TGFBI: variants seen among roughly 807,000 people sequenced by gnomAD.
TGFBI encodes the protein transforming growth factor beta induced.
A neutral mutation model predicts 73.7 loss-of-function variants in TGFBI; 50 were observed. That is an observed-to-expected ratio of 0.68 (90% CI 0.54 to 0.86). The LOEUF (loss-of-function observed/expected upper bound fraction) is 0.86. TGFBI is among the 40% of genes least tolerant of loss of function. The probability of loss-of-function intolerance (pLI) is 0.00; values close to 1 mark genes in which losing one functional copy is unlikely to be tolerated. For synonymous variants in TGFBI, 362 were observed against 360.5 expected (o/e 1.00, Z -0.05); for missense variants, 839 against 877.0 (o/e 0.96, Z 0.55).
At chr5:136,060,175 G>C (rs6894815) in intron 13 of TGFBI, among the ~76,000 whole-genome samples, 83,394 of 152,070 alleles carry the variant, frequency 0.55, 23,913 homozygotes, top group African/African-American at 0.73. Context: ...GAGGCACTTC[G>C]CCTGTCTTCA....
intron 13 of TGFBI, among the ~76,000 whole-genome samples, chr5:136,060,010 A>G (rs1389645066): frequency 2.6e-5 from 4 of 152,204 alleles, no homozygotes; most frequent in African/African-American, 4.8e-5. Context: ...AGTTTGTCAC[A>G]TGGCCCTTCA....
At chr5:136,062,382 C>T (rs2126918576) in intron 15 of TGFBI, among the ~76,000 whole-genome samples, 1 of 152,142 alleles carries the variant, frequency 6.6e-6, no homozygotes, top group East Asian at 1.9e-4. Context: ...CTGTGCAGCC[C>T]CAGCTCCCTC....
chr5:136,059,555 C>A (rs1369998183), intron 13 of TGFBI, among the ~76,000 whole-genome samples: 2 of 152,146 alleles, frequency 1.3e-5, no homozygotes, highest in African/African-American at 2.4e-5. Flanking sequence ...CATCCCACCC[C>A]CCAAACCCAG....
At chr5:136,038,866 T>G (rs1459592112) in intron 2 of TGFBI, among the ~76,000 whole-genome samples, 1 of 152,202 alleles carries the variant, frequency 6.6e-6, no homozygotes, top group Non-Finnish European at 1.5e-5. Flanking sequence ...GATTCTTCCC[T>G]ACAGCCTCTG....
chr5:136,041,703 A>G (rs1467540089), intron 2 of TGFBI, among the ~76,000 whole-genome samples: 1 of 152,072 alleles, frequency 6.6e-6, no homozygotes, highest in Non-Finnish European at 1.5e-5. Flanking sequence ...GCTTAGATCT[A>G]TCCCTTCCTC....
At chr5:136,061,299 T>C (rs1419335668) in intron 14 of TGFBI, 3 of 604,420 alleles carry the variant, frequency 5.0e-6, no homozygotes, top group Non-Finnish European at 8.9e-6. Flanking sequence ...CAGTCCTGCC[T>C]CTCCTCATGT....
At chr5:136,034,546 T>C (rs1373794908) in intron 2 of TGFBI, among the ~76,000 whole-genome samples, 1 of 151,722 alleles carries the variant, frequency 6.6e-6, no homozygotes, top group Non-Finnish European at 1.5e-5. Context: ...CTATTATTAT[T>C]ATCACCCTAG....
In TGFBI at chr5:136,046,399, C is replaced by A. The variant is rs770397832; in HGVS notation, c.363C>A (p.Tyr121Ter). The A allele has an allele frequency of 1.9e-6, 3 of 1,613,968 alleles. No individual in the cohort carries two copies. Among genetic ancestry groups the A allele is most frequent in the South Asian group, 2.2e-5 (2 of 91,082 alleles). The change falls in exon 4 of 17, where the codon TAC becomes TAA. Residue 121 changes from tyrosine (Y) to a stop codon, truncating the protein, a stop_gained. Transcript: ENST00000442011. LOFTEE classifies it high-confidence loss of function. ...GVVGSTTTQL[Y>*]TDRTEKLRPE... ...TTGGATCCACCACCACTCAGCTGTA[C>A]ACGGACCGCACGGAGAAGCTGAGGC...
rs1430467538 is a variant in TGFBI at position 136,034,899 on chromosome 5, A to G, written c.233+1038A>G. The stretch of plus-strand genomic sequence containing the variant: ...AAGCCACTCTCTTAAGCACTTTTCA[A>G]TGTTAGGGATTTTTAAGTTTATTGT... On this transcript the variant is annotated intron_variant, in intron 2 of 16. Coordinates refer to ENST00000442011, the MANE Select transcript of TGFBI (RefSeq NM_000358.3). Among the ~76,000 whole-genome samples the G allele has an allele frequency of 4.6e-5, 7 of 152,194 alleles. No individual in the cohort carries two copies. The East Asian group carries it at 1.2e-3, about 25-fold the overall frequency.
At position 136,029,197 on chromosome 5, in the gene TGFBI, G is replaced by C; in HGVS notation, c.134+8G>C. On this transcript the variant is annotated splice_region_variant and intron_variant, in intron 1 of 16. Coordinates refer to ENST00000442011, the MANE Select transcript of TGFBI (RefSeq NM_000358.3). ...CCGGGGCCGCCAGCACGGGTAAGCC[G>C]AGCCGCCTGGCCAGGGGCTGCGGAA... The C allele has an allele frequency of 6.8e-7, 1 of 1,479,512 alleles. No homozygotes were observed. Among genetic ancestry groups the C allele is most frequent in the Middle Eastern group, 2.4e-4 (1 of 4,246 alleles). 91.6% of individuals were successfully genotyped at this position (1,479,512 alleles called of 1,614,324 possible). A position where few individuals can be genotyped will look rare whatever the true frequency, so the allele number is the denominator to read the frequency against.
At chr5:136,043,081 A>G (rs966472694) in intron 2 of TGFBI, among the ~76,000 whole-genome samples, 15 of 152,174 alleles carry the variant, frequency 9.9e-5, no homozygotes, top group African/African-American at 3.6e-4. Context: ...ATTCATATAG[A>G]AGAAAGGAAA....
In TGFBI at chr5:136,063,432, G is replaced by C; in HGVS notation, c.*206G>C. 1.8e-6 allele frequency: 1 copy of C among 555,036 alleles called. No homozygotes were observed. Among genetic ancestry groups the C allele is most frequent in the South Asian group, 2.3e-5 (1 of 42,944 alleles). The allele number at this position is 555,036 out of a possible 1,614,324, so 34.4% of individuals were successfully genotyped here. On this transcript the variant is annotated 3_prime_UTR_variant, in exon 17 of 17. Transcript: ENST00000442011. ...AATCATGTTCCCCCTAAACATGGCT[G>C]TTAACCCACTGCATGCAGAAACTTG...
intron 3 of TGFBI, among the ~76,000 whole-genome samples, chr5:136,045,460 G>A (rs1012697204): frequency 5.9e-5 from 9 of 152,254 alleles, no homozygotes; most frequent in African/African-American, 1.4e-4. Flanking sequence ...CAGGAGAATC[G>A]CTTGTATCCA....
chr5:136,031,254 G>T (rs1218374198), intron 1 of TGFBI, among the ~76,000 whole-genome samples: 1 of 152,210 alleles, frequency 6.6e-6, no homozygotes, highest in East Asian at 1.9e-4. Flanking sequence ...ATGCCACAGG[G>T]CTGCCTGGCC....
At chr5:136,029,264 T>TTGAACTGGGCTGGGGGCGC in intron 1 of TGFBI, 75 bp downstream of exon 1, 1 of 1,386,104 alleles carries the variant, frequency 7.2e-7, no homozygotes, top group Non-Finnish European at 9.3e-7. Context: ...GCTGGGGGCA[T>TTGAACTGGGCTGGGGGCGC]TGAACTGGGC....
chr5:136,049,275 TG>T, intron 6 of TGFBI, 163 bp from the exon 7 acceptor site: 2 of 900,772 alleles, frequency 2.2e-6, no homozygotes, highest in Non-Finnish European at 3.2e-6. Context: ...CAAGGCCCCC[TG>T]GGGGCCATGG....
At chr5:136,045,968 G>A (rs1561609637) in intron 3 of TGFBI, 1 of 171,534 alleles carries the variant, frequency 5.8e-6, no homozygotes, top group African/African-American at 2.4e-5. Flanking sequence ...AAGCCATTAG[G>A]GAACCAGTTT....
chr5:136,057,184 G>A (rs931124033), intron 12 of TGFBI, among the ~76,000 whole-genome samples: 3 of 152,298 alleles, frequency 2.0e-5, no homozygotes, highest in Admixed American at 2.0e-4. Flanking sequence ...TGGCTGATGC[G>A]AGAGCAGGAG....
rs539278392 is a variant in TGFBI at position 136,055,108 on chromosome 5, C to T, written c.1410+247C>T. On this transcript the variant is annotated intron_variant, in intron 10 of 16. Coordinates refer to ENST00000442011, the MANE Select transcript of TGFBI (RefSeq NM_000358.3). ...CAACCTGTATTGTGAAGGAATAAGT[C>T]CTTCTTGAATTCAGGAATTAACACC... The T allele has an allele frequency of 7.0e-4, 334 of 479,722 alleles. 3 individuals are homozygous for T. The highest frequency in any genetic ancestry group is 1.1e-4 in the Non-Finnish European group (30 of 272,428). 29.7% of individuals were successfully genotyped at this position (479,722 alleles called of 1,614,324 possible).
Sources: gnomAD v4.1 joint callset for allele counts (sites outside exome capture counted in the v4.1 genomes callset) on GRCh38, gnomAD v4.1.1 for gene constraint, MANE v1.5 for transcripts, NCBI Gene and HGNC (gene_info 2026-07-23, HGNC 2026-07-21) for gene names.